Variants in FHIT observed in about 807,000 individuals in gnomAD.
The protein encoded by FHIT is bis(5'-adenosyl)-triphosphatase.
FHIT carries 19 observed loss-of-function variants against 17.9 expected under a neutral mutation model. That is an observed-to-expected ratio of 1.06 (90% confidence interval 0.74 to 1.56). The LOEUF is 1.56. FHIT is among the 40% of genes most tolerant of loss of function. The pLI is 0.00. For missense variants in FHIT, 248 were observed against 189.2 expected (o/e 1.31, Z -1.82); for synonymous variants, 81 against 69.7 (o/e 1.16, Z -0.81).
intron 4 of FHIT, among the ~76,000 whole-genome samples, chr3:60,592,896 A>G (rs2038134087): frequency 6.6e-6 from 1 of 152,102 alleles, no homozygotes; most frequent in African/African-American, 2.4e-5. Flanking sequence ...AGCAAGATTT[A>G]CAGTGGGTTC....
rs186698934 is a variant in FHIT, at chr3:60,216,924, A to G, written c.104-202772T>C. Among the ~76,000 whole-genome samples the G allele has an allele frequency of 1.2e-3, 178 of 152,230 alleles. 1 individual carries two copies. Among genetic ancestry groups the G allele is most frequent in the Admixed American group, 4.4e-3 (68 of 15,288 alleles). On this transcript the variant is annotated intron_variant, in intron 5 of 9. Coordinates refer to ENST00000492590, the MANE Select transcript of FHIT (RefSeq NM_002012.4). Reference sequence around the variant, plus strand: ...GGCAGAAACTCCCTGACATCTGGATACTCAGGATGGCTACTGTTATGATGG... The same window carrying G: ...GGCAGAAACTCCCTGACATCTGGATGCTCAGGATGGCTACTGTTATGATGG...
intron 4 of FHIT, among the ~76,000 whole-genome samples, chr3:60,722,821 C>T (rs1559670732): frequency 6.8e-6 from 1 of 146,422 alleles, no homozygotes; most frequent in East Asian, 2.1e-4. Context: ...TTCCAGGATT[C>T]AAATGATTCT....
intron 4 of FHIT, among the ~76,000 whole-genome samples, chr3:60,628,385 G>A (rs1553681577): frequency 6.6e-6 from 1 of 152,168 alleles, no homozygotes; most frequent in African/African-American, 2.4e-5. Context: ...AATGTTCCAT[G>A]TACACTTGAG....
At chr3:60,917,821 G>A (rs1268796045) in intron 3 of FHIT, among the ~76,000 whole-genome samples, 3 of 152,120 alleles carry the variant, frequency 2.0e-5, no homozygotes, top group African/African-American at 2.4e-5. Context: ...ATGTATATCT[G>A]TTCATTCTGT....
intron 5 of FHIT, among the ~76,000 whole-genome samples, chr3:60,082,168 TC>T (rs1703316018): frequency 6.6e-6 from 1 of 151,970 alleles, no homozygotes; most frequent in Admixed American, 6.6e-5. Context: ...CATTTTCATG[TC>T]CATGTGTACC....
intron 2 of FHIT, among the ~76,000 whole-genome samples, chr3:61,069,672 G>A (rs1023573581): frequency 6.6e-6 from 1 of 152,170 alleles, no homozygotes; most frequent in African/African-American, 2.4e-5. Flanking sequence ...TTCAAGAATA[G>A]CATCCTTTCT....
intron 5 of FHIT, among the ~76,000 whole-genome samples, chr3:60,412,688 C>G (rs1702106922): frequency 6.6e-6 from 1 of 152,148 alleles, no homozygotes; most frequent in Non-Finnish European, 1.5e-5. Flanking sequence ...AGGGACTGAG[C>G]AGAGTCTCAA....
At chr3:61,033,520 A>T (rs1043843987) in intron 3 of FHIT, among the ~76,000 whole-genome samples, 1 of 152,228 alleles carries the variant, frequency 6.6e-6, no homozygotes, top group Non-Finnish European at 1.5e-5. Context: ...TATTAGAATT[A>T]ATCTCATCTG....
chr3:60,077,880 G>GTA (rs1170885421), intron 5 of FHIT, among the ~76,000 whole-genome samples: 1 of 151,982 alleles, frequency 6.6e-6, no homozygotes, highest in Non-Finnish European at 1.5e-5. Context: ...CACAAAAAAA[G>GTA]TAACTCTGAG....
chr3:59,976,698 C>G (rs1283630410), intron 7 of FHIT, among the ~76,000 whole-genome samples: 1 of 152,106 alleles, frequency 6.6e-6, no homozygotes, highest in Non-Finnish European at 1.5e-5. Flanking sequence ...TGCCTTAGCA[C>G]TTTCCAAATA....
At chr3:60,483,386 T>C (rs2033699978) in intron 5 of FHIT, among the ~76,000 whole-genome samples, 1 of 152,156 alleles carries the variant, frequency 6.6e-6, no homozygotes, top group South Asian at 2.1e-4. Context: ...AAAAAGAAAC[T>C]GTAGGCCAAT....
At chr3:60,097,238 C>T (rs1032466422) in intron 5 of FHIT, among the ~76,000 whole-genome samples, 1 of 152,094 alleles carries the variant, frequency 6.6e-6, no homozygotes, top group East Asian at 1.9e-4. Flanking sequence ...TCTGGGAAAT[C>T]TACCAGCCCC....
At chr3:61,084,522 CT>C (rs2035245999) in intron 2 of FHIT, among the ~76,000 whole-genome samples, 3 of 152,092 alleles carry the variant, frequency 2.0e-5, no homozygotes, top group Non-Finnish European at 4.4e-5. Context: ...ATATTGTGTC[CT>C]TTCATATATT....
At chr3:60,876,915 C>G (rs113024201) in intron 3 of FHIT, among the ~76,000 whole-genome samples, 3,671 of 152,300 alleles carry the variant, frequency 0.024, 139 homozygotes, top group African/African-American at 0.083. Context: ...GGAAACATCA[C>G]AACTCCACCA....
At chr3:59,978,068 C>T (rs1708492275) in intron 7 of FHIT, among the ~76,000 whole-genome samples, 1 of 152,178 alleles carries the variant, frequency 6.6e-6, no homozygotes, top group Non-Finnish European at 1.5e-5. Flanking sequence ...CATGTACAAT[C>T]TCAGTTCATC....
chr3:61,086,048 G>T (rs1163698284), intron 2 of FHIT, among the ~76,000 whole-genome samples: 1 of 152,004 alleles, frequency 6.6e-6, no homozygotes, highest in East Asian at 1.9e-4. Context: ...TATATGTTCT[G>T]CAAATAAAAG....
At chr3:60,901,372 C>T (rs1706103958) in intron 3 of FHIT, among the ~76,000 whole-genome samples, 1 of 152,102 alleles carries the variant, frequency 6.6e-6, no homozygotes, top group South Asian at 2.1e-4. Flanking sequence ...CCATCTCAGA[C>T]AAATAACATA....
intron 5 of FHIT, among the ~76,000 whole-genome samples, chr3:60,226,471 TCA>T (rs1491261278): frequency 1.1e-5 from 1 of 92,296 alleles, no homozygotes; most frequent in Admixed American, 1.3e-4. Flanking sequence ...AAACTCCGTC[TCA>T]AAAAAAAAAA....
In FHIT at chr3:60,069,747, C is replaced by A. The variant is rs538160829; in HGVS notation, c.104-55595G>T. 1.7e-3 allele frequency among the ~76,000 whole-genome samples: 260 copies of A among 152,224 alleles called. 3 individuals carry two copies. Among genetic ancestry groups the A allele is most frequent in the Non-Finnish European group, 1.1e-3 (74 of 68,018 alleles). On this transcript the variant is annotated intron_variant, in intron 5 of 9. Transcript: ENST00000492590. ...CTATCAAATATTCATCCTTCTCAGC[C>A]ATCAATCAACTGAAGTTCCCTCAAA...
Sources: gnomAD v4.1 joint callset for allele counts (sites outside exome capture counted in the v4.1 genomes callset) on GRCh38, gnomAD v4.1.1 for gene constraint, MANE v1.5 for transcripts, NCBI Gene and HGNC (gene_info 2026-07-23, HGNC 2026-07-21) for gene names.